Variants in ALPK1 observed in about 807,000 individuals in gnomAD.
ALPK1 encodes alpha kinase 1, also known as alpha-protein kinase 1.
ALPK1 carries 110 observed loss-of-function variants against 120.6 expected under a neutral mutation model. The observed-to-expected ratio is 0.91, with a 90% CI of 0.78 to 1.07. The LOEUF (loss-of-function observed/expected upper bound fraction) is 1.07. Among genes scored for constraint, ALPK1 ranks in the 50% least tolerant of loss-of-function variants. The pLI is 0.00. For missense variants in ALPK1, 1,498 were observed against 1,483.9 expected (o/e 1.01, Z -0.16); for synonymous variants, 582 against 560.3 (o/e 1.04, Z -0.55).
At chr4:112,402,076 T>A (rs1732939810) in intron 4 of ALPK1, among the ~76,000 whole-genome samples, 1 of 152,248 alleles carries the variant, frequency 6.6e-6, no homozygotes, top group Admixed American at 6.5e-5. Context: ...TTACTATTGA[T>A]GGATAACTAT....
At position 112,377,863 on chromosome 4, in the gene ALPK1, C is replaced by T. The variant is rs747393894; in HGVS notation, c.86C>T (p.Ser29Leu). The T allele has an allele frequency of 9.9e-6, 16 of 1,613,176 alleles. No individual in the cohort carries two copies. Among genetic ancestry groups the T allele is most frequent in the Middle Eastern group, 1.7e-4 (1 of 6,058 alleles). ...CTCTTGTTGGAAGCGCCAGATGTGT[C>T]GGAAGAGGACAAGAGCGAGGACCAG... ...DQLLLEAPDVSEEDKSEDQRC... is the reference protein window; with the variant it reads ...DQLLLEAPDVLEEDKSEDQRC... The change falls in exon 3 of 16, where the codon TCG becomes TTG. Residue 29 changes from serine (S) to leucine (L), a missense_variant. Transcript: ENST00000650871.
At chr4:112,312,567 T>C in intron 1 of ALPK1, among the ~76,000 whole-genome samples, 1 of 152,230 alleles carries the variant, frequency 6.6e-6, no homozygotes, top group Non-Finnish European at 1.5e-5. Flanking sequence ...CCTCCGCACC[T>C]GGCCTAGATT....
chr4:112,421,102 G>A (rs1315518177), intron 5 of ALPK1, among the ~76,000 whole-genome samples: 1 of 152,114 alleles, frequency 6.6e-6, no homozygotes, highest in Non-Finnish European at 1.5e-5. Flanking sequence ...CAAATGCTGG[G>A]ATTACAGGCA....
intron 2 of ALPK1, among the ~76,000 whole-genome samples, chr4:112,349,043 G>T (rs1347528859): frequency 6.6e-6 from 1 of 151,988 alleles, no homozygotes; most frequent in East Asian, 1.9e-4. Flanking sequence ...AAGTTGGCTG[G>T]ATGCAGTTTT....
rs376769752 is a variant in ALPK1, at chr4:112,424,002, G to A, written c.534G>A (p.Thr178=). The change falls in exon 6 of 16, where the codon ACG becomes ACA. Residue 178 remains threonine, a splice_region_variant and synonymous_variant. Coordinates refer to ENST00000650871, the MANE Select transcript of ALPK1 (RefSeq NM_025144.4). ...GTCTAATAAGCAACAATGGAGCAAC[G>A]GGTGAGTACTTTCATATCTTCACAA... ...LSSLISNNGA[T]GTWLYRNESD... is the part of the protein sequence containing the mutation. 162 of 1,613,382 alleles carry A rather than the reference G, an allele frequency of 1.0e-4. No individual in the cohort carries two copies. Among genetic ancestry groups the A allele is most frequent in the Non-Finnish European group, 9.6e-5 (113 of 1,179,890 alleles).
At chr4:112,305,619 C>T (rs57897460) in intron 1 of ALPK1, among the ~76,000 whole-genome samples, 2 of 151,948 alleles carry the variant, frequency 1.3e-5, no homozygotes, top group Non-Finnish European at 2.9e-5. Flanking sequence ...AGACTGCAGA[C>T]GTTGCCTATC....
chr4:112,356,306 C>A, intron 2 of ALPK1: 1 of 967,786 alleles, frequency 1.0e-6, no homozygotes, highest in South Asian at 1.3e-5. Flanking sequence ...CCTGGCCTGG[C>A]GAGAACACCT....
At position 112,431,149 on chromosome 4, in the gene ALPK1, A is replaced by C. The variant is rs770463892; in HGVS notation, c.1602A>C (p.Gly534=). ...ATGTTCAGAGGGAACTCAGAAGGGG[A>C]GGAAGGAGAAACTGGACCCATTCTG... ...GKNVQRELRR[G]GRRNWTHSDA... The change falls in exon 11 of 16, where the codon GGA becomes GGC. Residue 534 remains glycine, a synonymous_variant. Transcript: ENST00000650871. 1.9e-6 allele frequency: 3 copies of C among 1,614,154 alleles called. No homozygotes were observed. The highest frequency in any genetic ancestry group is 1.7e-6 in the Non-Finnish European group (2 of 1,180,038).
intron 1 of ALPK1, among the ~76,000 whole-genome samples, chr4:112,313,314 A>G (rs1164005271): frequency 6.6e-6 from 1 of 152,250 alleles, no homozygotes; most frequent in African/African-American, 2.4e-5. Context: ...AAGACTAAGG[A>G]GTGATCAGTA....
chr4:112,359,039 T>C, intron 2 of ALPK1: 1 of 763,098 alleles, frequency 1.3e-6, no homozygotes, highest in East Asian at 2.5e-5. Flanking sequence ...AGCACAGCAT[T>C]CCCCAAAGGC....
intron 4 of ALPK1, among the ~76,000 whole-genome samples, chr4:112,396,357 T>A (rs1348459130): frequency 6.6e-6 from 1 of 152,182 alleles, no homozygotes; most frequent in Non-Finnish European, 1.5e-5. Flanking sequence ...TATTCCAAAG[T>A]ATCTATGATT....
At chr4:112,304,359 C>T (rs1727930187) in intron 1 of ALPK1, among the ~76,000 whole-genome samples, 3 of 152,086 alleles carry the variant, frequency 2.0e-5, no homozygotes, top group African/African-American at 7.3e-5. Flanking sequence ...AGTTTACAGT[C>T]CCACCAACAG....
chr4:112,305,148 C>T (rs868209703), intron 1 of ALPK1, among the ~76,000 whole-genome samples: 3,071 of 151,632 alleles, frequency 0.02, 128 homozygotes, highest in African/African-American at 0.069. Flanking sequence ...TTTTGGTTAC[C>T]GTAGCCTTGT....
intron 1 of ALPK1, among the ~76,000 whole-genome samples, chr4:112,303,039 T>C (rs1023882493): frequency 1.3e-5 from 2 of 152,194 alleles, no homozygotes; most frequent in African/African-American, 4.8e-5. Flanking sequence ...CTAAATTCCC[T>C]CCTTTGGTTT....
At chr4:112,358,702 A>G in intron 2 of ALPK1, 1 of 757,646 alleles carries the variant, frequency 1.3e-6, no homozygotes, top group East Asian at 2.5e-5. Context: ...GAGGAGCCGC[A>G]AGGAAGGAGG....
intron 1 of ALPK1, among the ~76,000 whole-genome samples, chr4:112,312,646 TTATC>T (rs1244055795): frequency 6.6e-6 from 1 of 152,248 alleles, no homozygotes; most frequent in African/African-American, 2.4e-5. Flanking sequence ...AAATACTTCT[TTATC>T]TAGCCCTTGT....
At chr4:112,375,901 A>T (rs1033029933) in intron 2 of ALPK1, among the ~76,000 whole-genome samples, 1 of 152,150 alleles carries the variant, frequency 6.6e-6, no homozygotes, top group African/African-American at 2.4e-5. Flanking sequence ...TTTCACTTGA[A>T]CACATAGAGG....
Position 112,429,174 on chromosome 4 carries a change from A to C in ALPK1, c.821A>C (p.His274Pro). 3 of 1,613,098 alleles carry C rather than the reference A, an allele frequency of 1.9e-6. No homozygotes were observed. The highest frequency in any genetic ancestry group is 2.5e-6 in the Non-Finnish European group (3 of 1,179,888). The change falls in exon 10 of 16, where the codon CAT becomes CCT. Residue 274 changes from histidine (H) to proline (P), a missense_variant. His to Pro is a moderately conservative substitution (Grantham distance 77, BLOSUM62 -2). Coordinates refer to ENST00000650871, the MANE Select transcript of ALPK1 (RefSeq NM_025144.4). ...AGCCTGCTGAAGGAGTTTGACCACC[A>C]TTTGCTGTCCGCTGCAGAAGCCTGC... ...NLSLLKEFDH[H>P]LLSAAEACKL...
chr4:112,357,206 C>A, intron 2 of ALPK1: 1 of 1,551,742 alleles, frequency 6.4e-7, no homozygotes, highest in Non-Finnish European at 8.8e-7. Context: ...GAGCACGTTT[C>A]AGACCAAGGG....
Sources: gnomAD v4.1 joint callset for allele counts (sites outside exome capture counted in the v4.1 genomes callset) on GRCh38, gnomAD v4.1.1 for gene constraint, MANE v1.5 for transcripts, NCBI Gene and HGNC (gene_info 2026-07-23, HGNC 2026-07-21) for gene names.